KIF22: variants seen among roughly 807,000 people sequenced by gnomAD.
The protein encoded by KIF22 is kinesin-like protein KIF22.
In KIF22, 62 loss-of-function variants were observed where a neutral mutation model predicts 73.0. That is an observed-to-expected ratio of 0.85 (90% confidence interval 0.69 to 1.05). KIF22 has a LOEUF of 1.05. Ranked by LOEUF, KIF22 falls within the 50% of genes least tolerant of loss-of-function variation. The pLI, the probability that KIF22 is intolerant of heterozygous loss-of-function variation, is 0.00. For synonymous variants in KIF22, 411 were observed against 340.1 expected (o/e 1.21, Z -2.29); for missense variants, 854 against 870.1 (o/e 0.98, Z 0.23).
At chr16:29,800,767 A>G (rs1036257524) in intron 8 of KIF22, among the ~76,000 whole-genome samples, 4 of 152,210 alleles carry the variant, frequency 2.6e-5, no homozygotes, top group African/African-American at 7.2e-5. Flanking sequence ...CTGCATCTCA[A>G]TAAATAAATA....
intron 8 of KIF22, among the ~76,000 whole-genome samples, chr16:29,801,107 C>G (rs1026652099): frequency 6.6e-6 from 1 of 152,140 alleles, no homozygotes; most frequent in South Asian, 2.1e-4. Context: ...CTCCGGGGAG[C>G]CAGCTGCTGT....
At chr16:29,796,265 T>A (rs1898945778) in intron 1 of KIF22, among the ~76,000 whole-genome samples, 2 of 11,104 alleles carry the variant, frequency 1.8e-4, no homozygotes, top group Admixed American at 1.4e-3. Flanking sequence ...AGCAAGACTG[T>A]CTCAAAAAAA....
chr16:29,792,108 G>T (rs1369069587), intron 1 of KIF22, among the ~76,000 whole-genome samples: 1 of 152,212 alleles, frequency 6.6e-6, no homozygotes, highest in African/African-American at 2.4e-5. Context: ...GGTTGGATAG[G>T]AGTTTGCCAG....
At chr16:29,803,850 C>A in intron 10 of KIF22, 148 bp from the exon 11 acceptor site, 1 of 694,736 alleles carries the variant, frequency 1.4e-6, no homozygotes, top group Admixed American at 2.4e-5. Context: ...CCTTTAAATG[C>A]GGGTATAAAA....
At chr16:29,794,380 C>A (rs955493215) in intron 1 of KIF22, among the ~76,000 whole-genome samples, 1 of 152,156 alleles carries the variant, frequency 6.6e-6, no homozygotes, top group South Asian at 2.1e-4. Context: ...ACTCTCCTAA[C>A]AACCTAACAA....
intron 1 of KIF22, chr16:29,791,205 GA>G (rs1421012645): frequency 1.9e-5 from 21 of 1,097,504 alleles, no homozygotes; most frequent in African/African-American, 1.7e-5. Flanking sequence ...ACGAGGACGA[GA>G]AGAAGGGAGC....
rs1374977311 is a variant in KIF22, at chr16:29,798,805, CTA to C, written c.549+59_549+60del. The C allele has an allele frequency of 1.9e-6, 3 of 1,588,366 alleles. No homozygotes were observed. In the African/African-American group the frequency reaches 4.0e-5, roughly 21 times the overall value. On this transcript the variant is annotated intron_variant, in intron 4 of 13. Coordinates refer to ENST00000160827, the MANE Select transcript of KIF22 (RefSeq NM_007317.3). This position sits in a 1 kb window ranked among gnomAD's most constrained non-coding sequence, Gnocchi z 4.1. ...CAAAGGGTCAAAGTAAGACCTGGTT[CTA>C]GAACATGAAGCTCTGCTGTAGCAGG...
In KIF22 at chr16:29,803,528, C is replaced by T. The variant is rs375205158; in HGVS notation, c.1529C>T (p.Thr510Ile). 102 of 1,614,148 alleles carry T rather than the reference C, an allele frequency of 6.3e-5. No homozygotes were observed. The Middle Eastern group carries it at 6.6e-4, about 10-fold the overall frequency. The change falls in exon 10 of 14, where the codon ACA becomes ATA. Residue 510 changes from threonine (T) to isoleucine (I), a missense_variant. Physicochemically the swap from Thr to Ile is moderately conservative, Grantham distance 89. This residue lies in a region of KIF22 where 423 missense variants were observed against 365.4 expected (regional missense o/e 1.16). Coordinates refer to ENST00000160827, the MANE Select transcript of KIF22 (RefSeq NM_007317.3). ...GAGGAAAAGGAGAACCATTGTCCCA[C>T]AATGCTCCGGCCCCTTTCACATCGC... ...KAEEKENHCP[T>I]MLRPLSHRTV...
At chr16:29,805,070 C>G (rs1259789731) in intron 12 of KIF22, 44 bp downstream of exon 12, 11 of 1,610,110 alleles carry the variant, frequency 6.8e-6, no homozygotes, top group Admixed American at 1.7e-5. Flanking sequence ...CGGGGGAGAC[C>G]GGGTACCCCC....
Position 29,799,895 on chromosome 16 carries a change from C to A in KIF22, c.1145-18C>A, listed in dbSNP as rs550578630. On this transcript the variant is annotated intron_variant, in intron 7 of 13. Coordinates refer to ENST00000160827, the MANE Select transcript of KIF22 (RefSeq NM_007317.3). ...CCACCCCCAATCCCTCTCTCCACCC[C>A]ATCCTCCAATCATCTAGCCTTGGGA... 6.2e-6 allele frequency: 10 copies of A among 1,613,614 alleles called. No individual in the cohort carries two copies. In the East Asian group the frequency reaches 2.0e-4, roughly 32 times the overall value.
At chr16:29,805,199 T>G in intron 13 of KIF22, 25 bp downstream of exon 13, 1 of 1,614,046 alleles carries the variant, frequency 6.2e-7, no homozygotes, top group Non-Finnish European at 8.5e-7. Context: ...CTGCCCCTCC[T>G]CTGCCTGTCC....
intron 8 of KIF22, among the ~76,000 whole-genome samples, chr16:29,801,332 T>A (rs1031550203): frequency 6.6e-6 from 1 of 152,150 alleles, no homozygotes; most frequent in African/African-American, 2.4e-5. Flanking sequence ...AACTTTGCCC[T>A]GTTTCTACCC....
chr16:29,803,296 T>A, intron 9 of KIF22, 153 bp from the exon 10 acceptor site: 1 of 835,882 alleles, frequency 1.2e-6, no homozygotes, highest in Non-Finnish European at 1.9e-6. Flanking sequence ...CCCTTAATTA[T>A]GTTAGGCTCC....
rs1899218016 is a variant in KIF22, at chr16:29,803,518, C to T, written c.1519C>T (p.His507Tyr). 1 of 1,614,182 alleles carries T rather than the reference C, an allele frequency of 6.2e-7. No homozygotes were observed. ...CCAGAAGGCTGAGGAAAAGGAGAAC[C>T]ATTGTCCCACAATGCTCCGGCCCCT... ...LAQKAEEKEN[H>Y]CPTMLRPLSH... is the part of the protein sequence containing the mutation. The change falls in exon 10 of 14, where the codon CAT (histidine) becomes TAT (tyrosine). Residue 507 changes from histidine (H) to tyrosine (Y), a missense_variant. Transcript: ENST00000160827.
intron 8 of KIF22, among the ~76,000 whole-genome samples, chr16:29,800,465 A>T (rs928382132): frequency 8.6e-5 from 13 of 150,372 alleles, no homozygotes; most frequent in Non-Finnish European, 1.6e-4. Flanking sequence ...CTCAAAGTAA[A>T]TAAGTGAATT....
chr16:29,790,851 A>C lies in KIF22; in HGVS notation c.70+22A>C, dbSNP rs367669407. The C allele has an allele frequency of 1.8e-5, 29 of 1,589,766 alleles. No individual in the cohort carries two copies. In the African/African-American group the frequency reaches 3.5e-4, roughly 19 times the overall value. On this transcript the variant is annotated intron_variant, in intron 1 of 13. Coordinates refer to ENST00000160827, the MANE Select transcript of KIF22 (RefSeq NM_007317.3). The stretch of plus-strand genomic sequence containing the variant: ...TCAGGTACTTGAGCCCGGCCTGGGC[A>C]AGGCGGGTACCGACGTCTGGAGTTT...
At chr16:29,790,884 G>C in intron 1 of KIF22, 55 bp downstream of exon 1, 2 of 1,560,928 alleles carry the variant, frequency 1.3e-6, no homozygotes, top group Non-Finnish European at 1.7e-6. Context: ...TTTAGTGGGA[G>C]TTATGTGTCG....
Position 29,803,037 on chromosome 16 carries a change from C to T in KIF22, c.1449+100C>T, listed in dbSNP as rs141172780. ...AGGACACTCAGGCTGGACTAGAGTC[C>T]AGTTTTCTCCCAATACCGGAAGTTC... On this transcript the variant is annotated intron_variant, in intron 9 of 13. Transcript: ENST00000160827. The T allele has an allele frequency of 1.7e-3, 1,983 of 1,200,506 alleles. 27 individuals carry two copies. In the African/African-American group the frequency reaches 0.027, roughly 16 times the overall value. The allele number at this position is 1,200,506 out of a possible 1,614,324, so 74.4% of individuals were successfully genotyped here.
intron 1 of KIF22, 95 bp from the exon 2 acceptor site, chr16:29,796,798 A>G (rs965105212): frequency 2.0e-5 from 23 of 1,166,922 alleles, no homozygotes; most frequent in Non-Finnish European, 2.6e-5. Flanking sequence ...CTTCTCCAAC[A>G]TGAGCTGTGG....
Sources: gnomAD v4.1 joint callset for allele counts (sites outside exome capture counted in the v4.1 genomes callset) on GRCh38, gnomAD v4.1.1 for gene constraint, gnomAD v4.1.1 regional missense constraint, Gnocchi (gnomAD v3.1) non-coding constraint, MANE v1.5 for transcripts, NCBI Gene and HGNC (gene_info 2026-07-23, HGNC 2026-07-21) for gene names.